The following DPP6 variants were observed in gnomAD, a reference collection of about 807,000 sequenced individuals.
DPP6 encodes the protein dipeptidyl peptidase like 6.
Under a neutral mutation model 122.6 loss-of-function variants are expected in DPP6, and 69 were observed. That is an observed-to-expected ratio of 0.56 (90% CI 0.46 to 0.69). The LOEUF (loss-of-function observed/expected upper bound fraction) is 0.69, where lower values mean the gene tolerates loss of function less well. Among genes scored for constraint, DPP6 ranks in the 30% least tolerant of loss-of-function variants. DPP6 has a pLI of 0.00. For missense variants in DPP6, 928 were observed against 1,116.9 expected, an observed-to-expected ratio of 0.83 and a Z score of 2.41; for synonymous variants, 418 against 433.1, an observed-to-expected ratio of 0.97 and a Z score of 0.43.
Position 154,801,389 on chromosome 7 carries a change from A to T in DPP6, c.1334A>T (p.Lys445Met), listed in dbSNP as rs774825660. The change falls in exon 13 of 26, where the codon AAG becomes ATG. Residue 445 changes from lysine to methionine, a missense_variant. Lys to Met is a moderately conservative substitution (Grantham distance 95). Transcript: ENST00000377770. The stretch of plus-strand genomic sequence containing the variant: ...CCTGTGTTCTCCAAGGATGGCCGAA[A>T]GTTTTTCTTCATCAGAGCCATCCCC... Reference protein sequence around the residue: ...EEPVFSKDGRKFFFIRAIPQG... With the variant: ...EEPVFSKDGRMFFFIRAIPQG... 38 of 1,596,966 alleles carry T rather than the reference A, an allele frequency of 2.4e-5. No homozygotes were observed. Among genetic ancestry groups the T allele is most frequent in the Non-Finnish European group, 3.2e-5 (37 of 1,171,128 alleles).
intron 16 of DPP6, among the ~76,000 whole-genome samples, chr7:154,845,266 G>A (rs180888204): frequency 6.6e-6 from 1 of 152,324 alleles, no homozygotes; most frequent in Admixed American, 6.5e-5. Context: ...GTCTGTGTGA[G>A]ATGGGGTTGG....
intron 1 of DPP6, among the ~76,000 whole-genome samples, chr7:154,434,554 G>A (rs1462811381): frequency 6.6e-6 from 1 of 152,080 alleles, no homozygotes; most frequent in Non-Finnish European, 1.5e-5. Flanking sequence ...GTAAATTCTT[G>A]TCTTCATATT....
intron 1 of DPP6, among the ~76,000 whole-genome samples, chr7:154,374,035 T>C (rs1284300202): frequency 6.6e-6 from 1 of 152,218 alleles, no homozygotes; most frequent in Non-Finnish European, 1.5e-5. Flanking sequence ...GCCAAAATGT[T>C]AGAAACCAGC....
chr7:154,745,783 G>T (rs1399207726), intron 8 of DPP6, among the ~76,000 whole-genome samples: 1 of 152,174 alleles, frequency 6.6e-6, no homozygotes, highest in Admixed American at 6.5e-5. Context: ...GCCCTCACAG[G>T]AGTGAAATCA....
chr7:154,438,469 C>CAAAAAAA lies in DPP6; in HGVS notation c.244-7723_244-7717dup. Among the ~76,000 whole-genome samples, 228 of 37,490 alleles carry CAAAAAAA rather than the reference C, an allele frequency of 6.1e-3. 3 individuals are homozygous for CAAAAAAA. The highest frequency in any genetic ancestry group is 6.9e-3 in the Non-Finnish European group (143 of 20,722). 24.6% of individuals were successfully genotyped at this position (37,490 alleles called of 152,430 possible). A position where few individuals can be genotyped will look rare whatever the true frequency, so the allele number is the denominator to read the frequency against. ...TGGGTGACAGAGTGAGACTCCAACT[C>CAAAAAAA]AAAAAAAAAAAAAAAAAAAAAAAAA... On this transcript the variant is annotated intron_variant, in intron 1 of 25. Coordinates refer to ENST00000377770, the MANE Select transcript of DPP6 (RefSeq NM_130797.4).
At chr7:154,517,613 T>C (rs1235213069) in intron 3 of DPP6, among the ~76,000 whole-genome samples, 1 of 152,138 alleles carries the variant, frequency 6.6e-6, no homozygotes, top group African/African-American at 2.4e-5. Context: ...GTTTAGTTCC[T>C]AGCATAAATA....
intron 1 of DPP6, among the ~76,000 whole-genome samples, chr7:153,967,066 CACAA>C (rs67268371): frequency 0.062 from 9,226 of 147,638 alleles, 459 homozygotes; most frequent in East Asian, 0.22. Context: ...GACCCTGTCT[CACAA>C]ACAAACAAAC....
intron 7 of DPP6, among the ~76,000 whole-genome samples, chr7:154,669,948 C>A (rs1272556774): frequency 6.6e-6 from 1 of 152,300 alleles, no homozygotes; most frequent in East Asian, 1.9e-4. Context: ...CAACCTCCAC[C>A]TCCTGTGTTC....
At chr7:154,774,855 A>G (rs146294673) in intron 10 of DPP6, among the ~76,000 whole-genome samples, 63 of 152,302 alleles carry the variant, frequency 4.1e-4, no homozygotes, top group African/African-American at 1.3e-3. Flanking sequence ...CTAGCAAGTA[A>G]ATCCCTGCAG....
Position 154,662,857 on chromosome 7 carries a change from G to A in DPP6, c.681-6503G>A, listed in dbSNP as rs535689390. On this transcript the variant is annotated intron_variant, in intron 6 of 25. Coordinates refer to ENST00000377770, the MANE Select transcript of DPP6 (RefSeq NM_130797.4). Reference sequence around the variant, plus strand: ...TATAATCATGATGAATCACCATAGCGTATTGGCCATAGTGTTCATATAGTC... The same window carrying A: ...TATAATCATGATGAATCACCATAGCATATTGGCCATAGTGTTCATATAGTC... 2.8e-4 allele frequency among the ~76,000 whole-genome samples: 12 copies of A among 42,674 alleles called. 2 individuals carry two copies. Among genetic ancestry groups the A allele is most frequent in the African/African-American group, 6.8e-4 (12 of 17,638 alleles). 28.0% of individuals were successfully genotyped at this position (42,674 alleles called of 152,430 possible).
intron 1 of DPP6, among the ~76,000 whole-genome samples, chr7:154,251,155 ATAAT>A (rs2150895707): frequency 6.6e-6 from 1 of 152,352 alleles, no homozygotes. Context: ...ACGATCAAGA[ATAAT>A]TAGAGACTTA....
At chr7:154,870,700 C>T (rs1007263844) in intron 18 of DPP6, among the ~76,000 whole-genome samples, 1 of 151,262 alleles carries the variant, frequency 6.6e-6, no homozygotes, top group Admixed American at 6.6e-5. Flanking sequence ...CGGTGGCTCA[C>T]GCCTGTAATC....
intron 1 of DPP6, among the ~76,000 whole-genome samples, chr7:154,394,354 T>C (rs1270937495): frequency 6.6e-6 from 1 of 152,186 alleles, no homozygotes; most frequent in Non-Finnish European, 1.5e-5. Context: ...GTGTTGAGCA[T>C]CATTTCATAT....
At chr7:154,414,029 AT>A (rs1321125177) in intron 1 of DPP6, among the ~76,000 whole-genome samples, 4 of 152,210 alleles carry the variant, frequency 2.6e-5, no homozygotes, top group African/African-American at 9.6e-5. Context: ...CATCGTGTCC[AT>A]CATTTTTAGT....
intron 1 of DPP6, among the ~76,000 whole-genome samples, chr7:154,163,213 C>G (rs2150711715): frequency 6.6e-6 from 1 of 152,104 alleles, no homozygotes; most frequent in South Asian, 2.1e-4. Flanking sequence ...GTGGAACTTG[C>G]TAGTGTTGAA....
In DPP6 at chr7:154,877,974, C is replaced by T. The variant is rs140330653; in HGVS notation, c.2078+1874C>T. ...AGGACACGGAAGCCGGCCCAGGCTG[C>T]GCTCTGGAGTGGAGTGGGCCTGGCT... On this transcript the variant is annotated intron_variant, in intron 20 of 25. Transcript: ENST00000377770. The surrounding 1 kb of genome is among the most constrained non-coding windows in gnomAD (Gnocchi z 5.2). Among the ~76,000 whole-genome samples, 295 of 152,312 alleles carry T rather than the reference C, an allele frequency of 1.9e-3. 2 individuals carry two copies. The highest frequency in any genetic ancestry group is 3.4e-3 in the Middle Eastern group (1 of 294).
At chr7:153,869,352 T>C in the DPP6 span, among the ~76,000 whole-genome samples, 1 of 152,220 alleles carries the variant, frequency 6.6e-6, no homozygotes, top group Non-Finnish European at 1.5e-5. Context: ...TGGGTGCATA[T>C]GTATTTAGGA....
intron 1 of DPP6, among the ~76,000 whole-genome samples, chr7:153,949,585 G>C (rs1047025870): frequency 6.6e-6 from 1 of 152,172 alleles, no homozygotes; most frequent in Admixed American, 6.5e-5. Flanking sequence ...CTTGTTTTGT[G>C]TCTCTTCAAA....
intron 1 of DPP6, among the ~76,000 whole-genome samples, chr7:154,093,258 C>T (rs746251712): frequency 2.9e-4 from 43 of 148,016 alleles, no homozygotes; most frequent in Non-Finnish European, 5.4e-4. Flanking sequence ...CACCACATGC[C>T]ATACATCCTA....
Sources: gnomAD v4.1 joint callset for allele counts (sites outside exome capture counted in the v4.1 genomes callset) on GRCh38, gnomAD v4.1.1 for gene constraint, Gnocchi (gnomAD v3.1) non-coding constraint, MANE v1.5 for transcripts, NCBI Gene and HGNC (gene_info 2026-07-23, HGNC 2026-07-21) for gene names.